The following PALS1 variants were observed in gnomAD, a reference collection of about 807,000 sequenced individuals.
PALS1 encodes the protein protein associated with LIN7 1, MAGUK p55 family member, also known as protein PALS1.
PALS1 carries 31 observed loss-of-function variants against 78.9 expected under a neutral mutation model. The ratio of observed to expected loss-of-function variants is 0.39; its 90% CI spans 0.30 to 0.53. The LOEUF (loss-of-function observed/expected upper bound fraction) is 0.53, where lower values mean the gene tolerates loss of function less well. Among genes scored for constraint, PALS1 ranks in the 20% least tolerant of loss-of-function variants. The probability of loss-of-function intolerance (pLI) is 0.67; values close to 1 mark genes in which losing one functional copy is unlikely to be tolerated. For missense variants in PALS1, 704 were observed against 826.5 expected (o/e 0.85, Z 1.82); for synonymous variants, 276 against 270.9 (o/e 1.02, Z -0.18).
intron 1 of PALS1, among the ~76,000 whole-genome samples, chr14:67,246,357 T>A (rs72717358): frequency 6.6e-6 from 1 of 152,082 alleles, no homozygotes; most frequent in Non-Finnish European, 1.5e-5. Flanking sequence ...TATTTAAAAA[T>A]TTTTTGAGAC....
At chr14:67,256,567 A>T (rs1827294779) in intron 1 of PALS1, among the ~76,000 whole-genome samples, 1 of 151,844 alleles carries the variant, frequency 6.6e-6, no homozygotes, top group South Asian at 2.1e-4. Context: ...TTGTTTTTTG[A>T]GATGGAGTCT....
At chr14:67,282,849 G>A (rs192212501) in intron 3 of PALS1, among the ~76,000 whole-genome samples, 1 of 152,214 alleles carries the variant, frequency 6.6e-6, no homozygotes, top group Non-Finnish European at 1.5e-5. Flanking sequence ...GTTAGAGTGG[G>A]TTAAGCTAGA....
intron 3 of PALS1, among the ~76,000 whole-genome samples, chr14:67,280,628 C>T (rs1236517992): frequency 6.6e-6 from 1 of 152,170 alleles, no homozygotes; most frequent in Non-Finnish European, 1.5e-5. Context: ...TGATGTACTA[C>T]ACAAAATGGT....
chr14:67,282,805 G>A (rs2084624005), intron 3 of PALS1, among the ~76,000 whole-genome samples: 1 of 152,094 alleles, frequency 6.6e-6, no homozygotes, highest in African/African-American at 2.4e-5. Flanking sequence ...AAACTACCTT[G>A]TGAGAGAAAT....
chr14:67,255,096 C>T (rs762522339), intron 1 of PALS1, among the ~76,000 whole-genome samples: 1 of 152,146 alleles, frequency 6.6e-6, no homozygotes, highest in Non-Finnish European at 1.5e-5. Flanking sequence ...TTGCAGTGAG[C>T]CAGGATTGTG....
In PALS1 at chr14:67,302,415, T is replaced by C. The variant is rs1239724980; in HGVS notation, c.807T>C (p.Ala269=). ...IEKARDIPLG[A]TVRNEMDSVI... ...ATACATATATATATTTTTAGGGTGC[T>C]ACAGTTCGTAATGAAATGGACTCTG... Residue 269 remains alanine, a synonymous_variant, in exon 7 of 15, where the codon GCT becomes GCC. Transcript: ENST00000261681. 22 of 1,583,390 alleles carry C rather than the reference T, an allele frequency of 1.4e-5. No homozygotes were observed. The highest frequency in any genetic ancestry group is 2.7e-5 in the African/African-American group (2 of 73,612).
Position 67,333,132 on chromosome 14 carries a change from A to G in PALS1, c.*176A>G. 1 of 547,662 alleles carries G rather than the reference A, an allele frequency of 1.8e-6. No homozygotes were observed. Among genetic ancestry groups the G allele is most frequent in the Non-Finnish European group, 3.2e-6 (1 of 315,294 alleles). 33.9% of individuals were successfully genotyped at this position (547,662 alleles called of 1,614,324 possible). A position where few individuals can be genotyped will look rare whatever the true frequency, so the allele number is the denominator to read the frequency against. On this transcript the variant is annotated 3_prime_UTR_variant, in exon 15 of 15. Transcript: ENST00000261681. ...GACAGTTCCCTTAGGCAGTTTGTGC[A>G]TGGCATCCTTTATTCTCTATACATG... is the stretch of plus-strand genomic sequence containing the variant.
chr14:67,264,682 A>G (rs2084291443), intron 1 of PALS1, among the ~76,000 whole-genome samples: 1 of 152,190 alleles, frequency 6.6e-6, no homozygotes, highest in Non-Finnish European at 1.5e-5. Context: ...TAAATGCAAC[A>G]GTGTTTTTTT....
At chr14:67,305,733 A>G (rs902365218) in intron 8 of PALS1, among the ~76,000 whole-genome samples, 1 of 152,350 alleles carries the variant, frequency 6.6e-6, no homozygotes, top group African/African-American at 2.4e-5. Context: ...TATCAAAGCA[A>G]TTAACTTACA....
intron 8 of PALS1, among the ~76,000 whole-genome samples, chr14:67,308,448 G>A (rs951979202): frequency 1.3e-5 from 2 of 151,392 alleles, no homozygotes; most frequent in African/African-American, 2.4e-5. Context: ...CCAGGTGGTT[G>A]TGGCAAATTT....
At position 67,332,973 on chromosome 14, in the gene PALS1, G is replaced by A. The variant is rs199526528; in HGVS notation, c.*17G>A. 9.2e-5 allele frequency: 147 copies of A among 1,590,776 alleles called. 2 individuals carry two copies. Among genetic ancestry groups the A allele is most frequent in the South Asian group, 6.9e-4 (61 of 89,014 alleles). The stretch of plus-strand genomic sequence containing the variant: ...CTGAGGTGAAAGAAACATCCATTCT[G>A]TGGCATGTTGGACTTGATCTGGCAA... On this transcript the variant is annotated 3_prime_UTR_variant, in exon 15 of 15. Transcript: ENST00000261681.
At chr14:67,269,023 T>C (rs2140564919) in intron 1 of PALS1, among the ~76,000 whole-genome samples, 1 of 152,286 alleles carries the variant, frequency 6.6e-6, no homozygotes, top group Non-Finnish European at 1.5e-5. Context: ...TGGCCATAAT[T>C]CTCCCACCCA....
intron 7 of PALS1, 33 bp from the exon 8 acceptor site, chr14:67,303,489 A>G (rs770670802): frequency 1.9e-4 from 289 of 1,534,730 alleles, no homozygotes; most frequent in Non-Finnish European, 2.4e-4. Flanking sequence ...CATAAATGCA[A>G]ATTTAAAAAA....
At chr14:67,303,991 C>T (rs1051200110) in intron 8 of PALS1, 8 of 166,600 alleles carry the variant, frequency 4.8e-5, no homozygotes, top group East Asian at 1.7e-4. Flanking sequence ...TGATCTTGAA[C>T]GCCTGGCTTC....
At chr14:67,323,848 G>A (rs780576018) in intron 14 of PALS1, 36 bp downstream of exon 14, 1 of 1,111,274 alleles carries the variant, frequency 9.0e-7, no homozygotes, top group South Asian at 1.4e-5. Context: ...TTCCATTGAA[G>A]GTAAACATGA....
At chr14:67,329,867 TAAA>T (rs1566586483) in intron 14 of PALS1, among the ~76,000 whole-genome samples, 20 of 150,386 alleles carry the variant, frequency 1.3e-4, no homozygotes, top group East Asian at 9.7e-4. Context: ...AATAAATAAA[TAAA>T]TAAATAAATA....
intron 2 of PALS1, among the ~76,000 whole-genome samples, chr14:67,277,082 C>T (rs970533061): frequency 1.3e-5 from 2 of 152,190 alleles, no homozygotes; most frequent in Non-Finnish European, 2.9e-5. Flanking sequence ...GTAACTCCTA[C>T]ATAATTTTTC....
At chr14:67,304,562 T>C (rs1256375433) in intron 8 of PALS1, among the ~76,000 whole-genome samples, 2 of 152,224 alleles carry the variant, frequency 1.3e-5, no homozygotes, top group East Asian at 3.8e-4. Context: ...TATTGGTTCA[T>C]TTATATAAAA....
chr14:67,329,614 T>G (rs1222484722), intron 14 of PALS1, among the ~76,000 whole-genome samples: 1 of 152,092 alleles, frequency 6.6e-6, no homozygotes, highest in African/African-American at 2.4e-5. Flanking sequence ...GGCTGTGGGT[T>G]TGTCATAAAT....
Sources: gnomAD v4.1 joint callset for allele counts (sites outside exome capture counted in the v4.1 genomes callset) on GRCh38, gnomAD v4.1.1 for gene constraint, MANE v1.5 for transcripts, NCBI Gene and HGNC (gene_info 2026-07-23, HGNC 2026-07-21) for gene names.